MTUS2: variants seen among roughly 807,000 people sequenced by gnomAD.
MTUS2 encodes the protein microtubule-associated tumor suppressor candidate 2.
In MTUS2, 40 loss-of-function variants were observed where a neutral mutation model predicts 114.1. The observed-to-expected ratio is 0.35, with a 90% CI of 0.27 to 0.46. The LOEUF (loss-of-function observed/expected upper bound fraction) is 0.46, where lower values mean the gene tolerates loss of function less well. Ranked by LOEUF, MTUS2 falls within the 20% of genes least tolerant of loss-of-function variation. MTUS2 has a pLI of 1.00. For missense variants in MTUS2, 1,679 were observed against 1,705.4 expected, an observed-to-expected ratio of 0.98 and a Z score of 0.27; for synonymous variants, 688 against 672.0, an observed-to-expected ratio of 1.02 and a Z score of -0.37.
chr13:29,130,207 C>A (rs1035050898), intron 5 of MTUS2, among the ~76,000 whole-genome samples: 93 of 152,108 alleles, frequency 6.1e-4, no homozygotes, highest in African/African-American at 2.2e-3. Flanking sequence ...TAACTCAGAT[C>A]AAATTTCTCT....
intron 4 of MTUS2, among the ~76,000 whole-genome samples, chr13:29,088,552 C>G (rs973941996): frequency 6.6e-6 from 1 of 152,100 alleles, no homozygotes; most frequent in African/African-American, 2.4e-5. Flanking sequence ...GCCTTGATTT[C>G]TAATGTCAGT....
chr13:29,242,436 G>A, intron 5 of MTUS2: 1 of 175,352 alleles, frequency 5.7e-6, no homozygotes, highest in Middle Eastern at 2.3e-3. Context: ...TCCAATTTAT[G>A]GATATACTAC....
At chr13:29,242,667 TC>T (rs751754489) in intron 5 of MTUS2, 1 of 152,618 alleles carries the variant, frequency 6.6e-6, no homozygotes, top group Non-Finnish European at 1.5e-5. Flanking sequence ...TTTTTTCATA[TC>T]AACATTTCTT....
intron 4 of MTUS2, among the ~76,000 whole-genome samples, chr13:29,047,669 T>A (rs1288376886): frequency 3.9e-5 from 6 of 152,080 alleles, no homozygotes; most frequent in Admixed American, 2.0e-4. Flanking sequence ...GCCCGCCACC[T>A]CGCCCGGCTA....
chr13:29,234,998 A>G (rs182555564), intron 5 of MTUS2, among the ~76,000 whole-genome samples: 5 of 152,274 alleles, frequency 3.3e-5, no homozygotes, highest in Admixed American at 1.3e-4. Context: ...TTTAATGCAT[A>G]TTGTTAATGA....
At chr13:28,824,976 G>A (rs1349520970) in intron 1 of MTUS2, among the ~76,000 whole-genome samples, 1 of 152,226 alleles carries the variant, frequency 6.6e-6, no homozygotes, top group Non-Finnish European at 1.5e-5. Context: ...TAAAGGAGAT[G>A]GAAGAGTGAG....
At chr13:29,394,186 T>C (rs1873727709) in intron 8 of MTUS2, among the ~76,000 whole-genome samples, 1 of 152,156 alleles carries the variant, frequency 6.6e-6, no homozygotes, top group Admixed American at 6.5e-5. Context: ...TGACCAGGGC[T>C]CGAGGCACAC....
At chr13:29,148,486 T>TC (rs1892533529) in intron 5 of MTUS2, among the ~76,000 whole-genome samples, 1 of 56,794 alleles carries the variant, frequency 1.8e-5, no homozygotes, top group African/African-American at 3.6e-5. Flanking sequence ...TTTTTTTTTT[T>TC]TTTTTTTTTT....
At chr13:29,082,403 C>T (rs1423265842) in intron 4 of MTUS2, among the ~76,000 whole-genome samples, 4 of 152,246 alleles carry the variant, frequency 2.6e-5, no homozygotes, top group Middle Eastern at 3.4e-3. Context: ...CAGTGAGCTC[C>T]GTCATGCCTG....
chr13:28,905,938 T>C (rs1032113501), intron 2 of MTUS2, among the ~76,000 whole-genome samples: 1 of 151,606 alleles, frequency 6.6e-6, no homozygotes, highest in Non-Finnish European at 1.5e-5. Flanking sequence ...CAGAGCCTGT[T>C]ATTGGTCTAT....
chr13:29,227,317 C>G (rs548174886), intron 5 of MTUS2, among the ~76,000 whole-genome samples: 27 of 151,464 alleles, frequency 1.8e-4, no homozygotes, highest in African/African-American at 5.3e-4. Context: ...AAAGAAAACC[C>G]GTGGTGTTAT....
At chr13:29,163,917 G>C (rs1893205408) in intron 5 of MTUS2, among the ~76,000 whole-genome samples, 1 of 152,200 alleles carries the variant, frequency 6.6e-6, no homozygotes, top group East Asian at 1.9e-4. Context: ...CCCTAACAGG[G>C]TGCGGACCCC....
intron 6 of MTUS2, among the ~76,000 whole-genome samples, chr13:29,298,525 A>G (rs1187187369): frequency 2.0e-5 from 3 of 152,212 alleles, no homozygotes; most frequent in African/African-American, 7.2e-5. Flanking sequence ...CATGTGCCAG[A>G]CAGAGCTGTT....
intron 6 of MTUS2, among the ~76,000 whole-genome samples, chr13:29,299,310 C>T (rs1208851021): frequency 2.0e-5 from 3 of 152,190 alleles, no homozygotes; most frequent in South Asian, 2.1e-4. Context: ...CCAAAGTCAA[C>T]TCTCAGACAT....
chr13:29,391,342 T>C (rs1255624325), intron 8 of MTUS2, among the ~76,000 whole-genome samples: 5 of 152,146 alleles, frequency 3.3e-5, no homozygotes, highest in Admixed American at 6.6e-5. Flanking sequence ...TGAGGGGCTG[T>C]TTATATTTAC....
At chr13:29,227,082 A>G (rs1440343191) in intron 5 of MTUS2, among the ~76,000 whole-genome samples, 1 of 151,996 alleles carries the variant, frequency 6.6e-6, no homozygotes, top group African/African-American at 2.4e-5. Context: ...ACATGGCGAA[A>G]CCCTGTCTTT....
chr13:29,115,511 G>A (rs906023216), intron 5 of MTUS2, among the ~76,000 whole-genome samples: 4 of 152,092 alleles, frequency 2.6e-5, no homozygotes, highest in Non-Finnish European at 5.9e-5. Context: ...CTAAAGACTA[G>A]GCATTGTTGT....
rs1368901983 is a variant in MTUS2, at chr13:28,976,248, A to T, written c.-242-48209A>T. Among the ~76,000 whole-genome samples, 127 of 148,036 alleles carry T rather than the reference A, an allele frequency of 8.6e-4. 2 individuals are homozygous for T. The highest frequency in any genetic ancestry group is 3.1e-3 in the African/African-American group (122 of 39,794). Reference sequence around the variant, plus strand: ...AAGAAAAGAAGAAAAAAAGAATTAGAGAAATAAGATGGGAGGGTGTTCCAG... The same window carrying T: ...AAGAAAAGAAGAAAAAAAGAATTAGTGAAATAAGATGGGAGGGTGTTCCAG... On this transcript the variant is annotated intron_variant, in intron 2 of 15. Transcript: ENST00000612955.
chr13:29,151,708 C>A (rs1428004987), intron 5 of MTUS2, among the ~76,000 whole-genome samples: 1 of 152,110 alleles, frequency 6.6e-6, no homozygotes, highest in Non-Finnish European at 1.5e-5. Context: ...AGGTATGTTT[C>A]TTCAATGCCT....
Sources: allele counts gnomAD v4.1 joint callset (sites outside exome capture counted in the v4.1 genomes callset), GRCh38; gene constraint gnomAD v4.1.1; transcripts MANE v1.5; gene names NCBI Gene and HGNC (gene_info 2026-07-23, HGNC 2026-07-21).